The following RABEP1 variants were observed in gnomAD, a reference collection of about 807,000 sequenced individuals.
RABEP1 encodes rab GTPase-binding effector protein 1.
A neutral mutation model predicts 123.4 loss-of-function variants in RABEP1; 51 were observed. The ratio of observed to expected loss-of-function variants is 0.41; its 90% CI spans 0.33 to 0.52. RABEP1 has a LOEUF of 0.52. RABEP1 is among the 20% of genes least tolerant of loss of function. The pLI is 0.16. For missense variants in RABEP1, 888 were observed against 996.3 expected, an observed-to-expected ratio of 0.89 and a Z score of 1.46; for synonymous variants, 347 against 355.2, an observed-to-expected ratio of 0.98 and a Z score of 0.26.
chr17:5,290,469 CTT>C (rs1484532188), intron 1 of RABEP1, among the ~76,000 whole-genome samples: 11 of 152,036 alleles, frequency 7.2e-5, no homozygotes, highest in Admixed American at 6.6e-4. Context: ...GCTTCCCTCT[CTT>C]GTTTAAAAAA....
chr17:5,318,765 C>G (rs2075322820), intron 2 of RABEP1, among the ~76,000 whole-genome samples: 1 of 152,172 alleles, frequency 6.6e-6, no homozygotes, highest in African/African-American at 2.4e-5. Context: ...TTAATGAAAA[C>G]TACAGACTTA....
At chr17:5,365,993 G>A (rs892355952) in intron 11 of RABEP1, among the ~76,000 whole-genome samples, 4 of 152,148 alleles carry the variant, frequency 2.6e-5, no homozygotes, top group South Asian at 2.1e-4. Context: ...TGTATAGGGC[G>A]TGGTGGACAT....
chr17:5,344,428 ACTCT>A (rs958614585), intron 5 of RABEP1, among the ~76,000 whole-genome samples: 1 of 151,876 alleles, frequency 6.6e-6, no homozygotes, highest in Non-Finnish European at 1.5e-5. Context: ...ACAGAGTGAG[ACTCT>A]CTCTCAAAAT....
intron 2 of RABEP1, among the ~76,000 whole-genome samples, chr17:5,314,877 A>C (rs1053544816): frequency 2.6e-5 from 4 of 152,112 alleles, no homozygotes; most frequent in Non-Finnish European, 4.4e-5. Flanking sequence ...GCTTTTCCTA[A>C]ACTAACTTCA....
chr17:5,344,704 G>A (rs1341444226), intron 5 of RABEP1, among the ~76,000 whole-genome samples: 1 of 147,008 alleles, frequency 6.8e-6, no homozygotes, highest in African/African-American at 2.5e-5. Context: ...CCCGGGAGGC[G>A]GAGCTTGCAG....
intron 7 of RABEP1, among the ~76,000 whole-genome samples, chr17:5,353,062 G>T (rs2144653721): frequency 1.3e-5 from 2 of 152,250 alleles, no homozygotes; most frequent in South Asian, 4.1e-4. Flanking sequence ...GCCCATCTGA[G>T]GCTTGAACAA....
intron 1 of RABEP1, among the ~76,000 whole-genome samples, chr17:5,308,344 G>T (rs1447670911): frequency 6.6e-5 from 10 of 151,592 alleles, no homozygotes; most frequent in Admixed American, 6.6e-4. Context: ...TCCTGCCTCA[G>T]CCTCCTGAGT....
intron 1 of RABEP1, among the ~76,000 whole-genome samples, chr17:5,294,633 CTTTTTTTTTTTTTTTT>C (rs1185209680): frequency 0.052 from 2,733 of 53,058 alleles, 73 homozygotes; most frequent in Middle Eastern, 0.12. Context: ...ACGGTATTGT[CTTTTTTTTTTTTTTTT>C]TTTTTTTTTT....
intron 1 of RABEP1, among the ~76,000 whole-genome samples, chr17:5,307,688 A>T (rs1270544834): frequency 1.3e-5 from 2 of 152,176 alleles, no homozygotes; most frequent in Non-Finnish European, 2.9e-5. Context: ...TGCTTCAATC[A>T]AAGGAACCCC....
intron 2 of RABEP1, among the ~76,000 whole-genome samples, chr17:5,320,987 A>T (rs2075349928): frequency 6.6e-6 from 1 of 152,190 alleles, no homozygotes; most frequent in Non-Finnish European, 1.5e-5. Context: ...TGGTTAAAGA[A>T]ACAAGCCCCA....
chr17:5,290,797 T>C (rs1348448300), intron 1 of RABEP1, among the ~76,000 whole-genome samples: 2 of 152,054 alleles, frequency 1.3e-5, no homozygotes, highest in African/African-American at 2.4e-5. Context: ...GGTTTCAACA[T>C]GTTGCCCAGG....
rs891397732 is a variant in RABEP1 at position 5,385,309 on chromosome 17, A to C, written c.*2086A>C. Reference sequence around the variant, plus strand: ...AAGGCAGGATTTAGCCCTTCTAGGCAAAAGAAAAGCTCAGTTGGGTTTCAC... The same window carrying C: ...AAGGCAGGATTTAGCCCTTCTAGGCCAAAGAAAAGCTCAGTTGGGTTTCAC... On this transcript the variant is annotated 3_prime_UTR_variant, in exon 18 of 18. Coordinates refer to ENST00000537505, the MANE Select transcript of RABEP1 (RefSeq NM_004703.6). 4.3e-6 allele frequency: 1 copy of C among 231,060 alleles called. No homozygotes were observed. Among genetic ancestry groups the C allele is most frequent in the Non-Finnish European group, 8.6e-6 (1 of 116,794 alleles). The allele number at this position is 231,060 out of a possible 1,614,324, so 14.3% of individuals were successfully genotyped here.
intron 17 of RABEP1, among the ~76,000 whole-genome samples, chr17:5,381,925 G>C (rs1272701794): frequency 2.0e-5 from 3 of 152,052 alleles, no homozygotes; most frequent in African/African-American, 7.3e-5. Context: ...CTCAGCGTAG[G>C]TCTGTCCCCT....
intron 15 of RABEP1, 72 bp downstream of exon 15, chr17:5,378,304 C>A: frequency 7.2e-7 from 1 of 1,382,612 alleles, no homozygotes; most frequent in Non-Finnish European, 1.0e-6. Context: ...ATGCTGCACC[C>A]AACGAATAAA....
chr17:5,308,871 G>A (rs760695494), intron 2 of RABEP1, 49 bp downstream of exon 2: 3 of 1,494,450 alleles, frequency 2.0e-6, no homozygotes, highest in Middle Eastern at 1.8e-4. Context: ...CTGCCTTAAA[G>A]TGTTGAGTTT....
chr17:5,379,509 T>C (rs901097672), intron 15 of RABEP1, among the ~76,000 whole-genome samples: 13 of 152,188 alleles, frequency 8.5e-5, no homozygotes, highest in African/African-American at 2.9e-4. Context: ...GCCACAGTCT[T>C]GATCATCATC....
intron 5 of RABEP1, among the ~76,000 whole-genome samples, chr17:5,341,711 C>T (rs756630328): frequency 2.9e-4 from 44 of 152,158 alleles, no homozygotes; most frequent in Non-Finnish European, 5.1e-4. Context: ...TTTTCAACAT[C>T]GTAGGTAAAA....
intron 2 of RABEP1, among the ~76,000 whole-genome samples, chr17:5,319,850 A>T (rs1282153080): frequency 6.6e-6 from 1 of 152,196 alleles, no homozygotes; most frequent in Middle Eastern, 3.2e-3. Flanking sequence ...ACAAAAAAGA[A>T]TAAAAAGCAG....
intron 17 of RABEP1, among the ~76,000 whole-genome samples, chr17:5,382,626 C>T (rs1911572925): frequency 6.6e-6 from 1 of 151,810 alleles, no homozygotes; most frequent in South Asian, 2.1e-4. Flanking sequence ...GTGGCGTGTG[C>T]TTATAATCCC....
Sources: allele counts gnomAD v4.1 joint callset (sites outside exome capture counted in the v4.1 genomes callset), GRCh38; gene constraint gnomAD v4.1.1; transcripts MANE v1.5; gene names NCBI Gene and HGNC (gene_info 2026-07-23, HGNC 2026-07-21).